The following SNX31 variants were observed in gnomAD, a reference collection of about 807,000 sequenced individuals.
The protein encoded by SNX31 is sorting nexin 31, also known as sorting nexin-31.
SNX31 carries 58 observed loss-of-function variants against 65.4 expected under a neutral mutation model. The observed-to-expected ratio is 0.89, with a 90% CI of 0.72 to 1.10. The LOEUF (loss-of-function observed/expected upper bound fraction) is 1.10, where lower values mean the gene tolerates loss of function less well. Ranked by LOEUF, SNX31 falls within the 50% of genes least tolerant of loss-of-function variation. The pLI is 0.00. For missense variants in SNX31, 523 were observed against 529.7 expected, an observed-to-expected ratio of 0.99 and a Z score of 0.12; for synonymous variants, 181 against 190.1, an observed-to-expected ratio of 0.95 and a Z score of 0.39.
intron 9 of SNX31, among the ~76,000 whole-genome samples, chr8:100,598,861 A>G (rs997093700): frequency 6.6e-6 from 1 of 152,242 alleles, no homozygotes; most frequent in African/African-American, 2.4e-5. Context: ...AGCCTTAGAC[A>G]ATACATGAAT....
intron 8 of SNX31, among the ~76,000 whole-genome samples, 184 bp downstream of exon 8, chr8:100,608,310 C>T (rs865836204): frequency 1.4e-5 from 2 of 144,780 alleles, no homozygotes; most frequent in Non-Finnish European, 3.0e-5. Flanking sequence ...ACCCATCAAA[C>T]AATAACAACT....
chr8:100,607,374 C>T (rs1455352755), intron 8 of SNX31, among the ~76,000 whole-genome samples: 1 of 152,204 alleles, frequency 6.6e-6, no homozygotes, highest in Non-Finnish European at 1.5e-5. Context: ...CACCGGCTGA[C>T]CATTCCATGA....
At chr8:100,581,337 C>CTATATCTATATATATA (rs1318531944) in intron 12 of SNX31, among the ~76,000 whole-genome samples, 3 of 125,466 alleles carry the variant, frequency 2.4e-5, no homozygotes, top group African/African-American at 9.3e-5. Flanking sequence ...ATCTATCTAT[C>CTATATCTATATATATA]TATATATATA....
chr8:100,632,359 T>C (rs1195363324), intron 3 of SNX31, among the ~76,000 whole-genome samples: 1 of 152,088 alleles, frequency 6.6e-6, no homozygotes, highest in Admixed American at 6.5e-5. Flanking sequence ...ACTTGAACTT[T>C]GAAAGAGCTC....
chr8:100,626,974 A>G lies in SNX31; in HGVS notation c.321+3353T>C, dbSNP rs1037389040. Among the ~76,000 whole-genome samples, 1 of 152,260 alleles carries G rather than the reference A, an allele frequency of 6.6e-6. No individual in the cohort carries two copies. Among genetic ancestry groups the G allele is most frequent in the Admixed American group, 6.5e-5 (1 of 15,278 alleles). Reference sequence around the variant, plus strand: ...GGCACTGAAAAACACAGCTAGAGGTATAAGGCTTTTGTATGAAGTCACAAA... The same window carrying G: ...GGCACTGAAAAACACAGCTAGAGGTGTAAGGCTTTTGTATGAAGTCACAAA... On this transcript the variant is annotated intron_variant, in intron 4 of 13. Coordinates refer to ENST00000311812, the MANE Select transcript of SNX31 (RefSeq NM_152628.4). The surrounding 1 kb of genome is among the most constrained non-coding windows in gnomAD (Gnocchi z 4.4).
At position 100,612,336 on chromosome 8, in the gene SNX31, A is replaced by T. The variant is rs1310335920; in HGVS notation, c.524-249T>A. On this transcript the variant is annotated intron_variant, in intron 6 of 13. Coordinates refer to ENST00000311812, the MANE Select transcript of SNX31 (RefSeq NM_152628.4). The surrounding 1 kb of genome is among the most constrained non-coding windows in gnomAD (Gnocchi z 4.3). ...CACTGTGATATAGATGAAAAAATAG[A>T]TCCGGAGACATCCAGCGCCTTCGCA... Among the ~76,000 whole-genome samples the T allele has an allele frequency of 1.3e-5, 2 of 152,144 alleles. No individual in the cohort carries two copies.
intron 12 of SNX31, among the ~76,000 whole-genome samples, chr8:100,581,650 G>T (rs369555901): frequency 1.4e-3 from 218 of 152,116 alleles, no homozygotes; most frequent in African/African-American, 5.0e-3. Context: ...TCTTTAAGAT[G>T]ATCAAAATCT....
rs980329731 is a variant in SNX31 at position 100,609,275 on chromosome 8, T to C, written c.612-712A>G. On this transcript the variant is annotated intron_variant, in intron 7 of 13. Coordinates refer to ENST00000311812, the MANE Select transcript of SNX31 (RefSeq NM_152628.4). The surrounding 1 kb of genome is among the most constrained non-coding windows in gnomAD (Gnocchi z 4.9). Reference sequence around the variant, plus strand: ...CCTCCCCTGACTGATTGGCCTTTCTTTGCAAGCCTTATGCAGTGCCCCCTC... The same window carrying C: ...CCTCCCCTGACTGATTGGCCTTTCTCTGCAAGCCTTATGCAGTGCCCCCTC... Among the ~76,000 whole-genome samples the C allele has an allele frequency of 9.9e-5, 15 of 152,192 alleles. No homozygotes were observed. Among genetic ancestry groups the C allele is most frequent in the African/African-American group, 3.6e-4 (15 of 41,446 alleles).
Position 100,578,352 on chromosome 8 carries a change from GTC to G in SNX31, c.1171-1279_1171-1278del, listed in dbSNP as rs1168604710. On this transcript the variant is annotated intron_variant, in intron 12 of 13. Transcript: ENST00000311812. The surrounding 1 kb of genome is among the most constrained non-coding windows in gnomAD (Gnocchi z 4.7). ...ATTTATTTACCCTACAATTGTCAAC[GTC>G]TCTGTATTAATCGCCTTTCTCCTCC... 6.6e-6 allele frequency among the ~76,000 whole-genome samples: 1 copy of G among 152,154 alleles called. No homozygotes were observed. Among genetic ancestry groups the G allele is most frequent in the Non-Finnish European group, 1.5e-5 (1 of 68,022 alleles).
At chr8:100,656,465 A>T (rs1408840523) in intron 1 of SNX31, among the ~76,000 whole-genome samples, 1 of 151,882 alleles carries the variant, frequency 6.6e-6, no homozygotes. Flanking sequence ...ACATGGTGAA[A>T]CCCTGTCTCT....
At chr8:100,635,781 A>T in intron 3 of SNX31, 116 bp downstream of exon 3, 3 of 664,162 alleles carry the variant, frequency 4.5e-6, no homozygotes, top group Non-Finnish European at 7.5e-6. Flanking sequence ...TAATGGTCGC[A>T]CAATTAATTA....
rs528898212 is a variant in SNX31 at position 100,589,081 on chromosome 8, G to A, written c.979-102C>T. ...AAATCCCAGCTGAGGCGGGCAGATC[G>A]CCTGAGGTCAGGAGTTCGAGACCAT... On this transcript the variant is annotated intron_variant, in intron 10 of 13. Transcript: ENST00000311812. 2.0e-4 allele frequency: 158 copies of A among 795,846 alleles called. 2 individuals carry two copies. In the African/African-American group the frequency reaches 2.3e-3, roughly 12 times the overall value. 49.3% of individuals were successfully genotyped at this position (795,846 alleles called of 1,614,324 possible).
intron 2 of SNX31, among the ~76,000 whole-genome samples, chr8:100,644,962 C>T (rs185514647): frequency 6.6e-6 from 1 of 152,360 alleles, no homozygotes; most frequent in East Asian, 1.9e-4. Context: ...TGCACCTGGC[C>T]AACCCAGGTC....
Position 100,625,351 on chromosome 8 carries a change from G to A in SNX31, c.321+4976C>T, listed in dbSNP as rs897846815. ...CGGCCCATCATTGCATGTGATGGAG[G>A]TTTAGAGCCTGGTGAGTCCACATAT... On this transcript the variant is annotated intron_variant, in intron 4 of 13. Coordinates refer to ENST00000311812, the MANE Select transcript of SNX31 (RefSeq NM_152628.4). This position sits in a 1 kb window ranked among gnomAD's most constrained non-coding sequence, Gnocchi z 4.2. Among the ~76,000 whole-genome samples the A allele has an allele frequency of 8.0e-5, 12 of 150,520 alleles. No individual in the cohort carries two copies. Among genetic ancestry groups the A allele is most frequent in the African/African-American group, 2.9e-4 (12 of 41,052 alleles).
At chr8:100,597,109 G>A (rs947737473) in intron 9 of SNX31, among the ~76,000 whole-genome samples, 11 of 152,074 alleles carry the variant, frequency 7.2e-5, no homozygotes, top group African/African-American at 2.7e-4. Flanking sequence ...CCCCTGTTAT[G>A]GTGCTTGGTA....
intron 4 of SNX31, chr8:100,618,491 A>AT (rs2094717819): frequency 1.6e-6 from 1 of 643,282 alleles, no homozygotes; most frequent in African/African-American, 1.8e-5. Context: ...CAATTATGAC[A>AT]TGCTTTGCTT....
chr8:100,612,000 C>G lies in SNX31; in HGVS notation c.611G>C (p.Trp204Ser), dbSNP rs751854725. 1.9e-6 allele frequency: 3 copies of G among 1,613,498 alleles called. No homozygotes were observed. The highest frequency in any genetic ancestry group is 2.5e-6 in the Non-Finnish European group (3 of 1,179,502). Reference sequence around the variant, plus strand: ...TCTGTCACTTTCAGAACCTACTTACCACTTTCGGAGTCCAACCTTACAGTT... The same window carrying G: ...TCTGTCACTTTCAGAACCTACTTACGACTTTCGGAGTCCAACCTTACAGTT... ...VENCKVGLRK[W>S]YMAPSLDSVL... Residue 204 changes from tryptophan (W) to serine (S), a missense_variant and splice_region_variant, in exon 7 of 14, where the codon TGG becomes TCG. Physicochemically the swap from Trp to Ser is radical, Grantham distance 177. Transcript: ENST00000311812.
chr8:100,663,533 C>G (rs559919899), upstream of SNX31: 10 of 151,562 alleles, frequency 6.6e-5, no homozygotes, highest in East Asian at 1.5e-3. Context: ...GAAGCAGTCA[C>G]AGTGGAGCCC....
intron 8 of SNX31, among the ~76,000 whole-genome samples, chr8:100,601,837 G>A (rs1815658002): frequency 6.6e-6 from 1 of 152,188 alleles, no homozygotes; most frequent in African/African-American, 2.4e-5. Flanking sequence ...TCAGGACTAT[G>A]GTGAAGCAAC....
Sources: allele counts gnomAD v4.1 joint callset (sites outside exome capture counted in the v4.1 genomes callset), GRCh38; gene constraint gnomAD v4.1.1; non-coding constraint Gnocchi (gnomAD v3.1); transcripts MANE v1.5; gene names NCBI Gene and HGNC (gene_info 2026-07-23, HGNC 2026-07-21).